The following CPSF6 variants were observed in gnomAD, a reference collection of about 807,000 sequenced individuals.
The protein encoded by CPSF6 is cleavage and polyadenylation specific factor 6, also known as cleavage and polyadenylation specificity factor subunit 6.
In CPSF6, 10 loss-of-function variants were observed where a neutral mutation model predicts 56.7. The observed-to-expected ratio is 0.18, with a 90% CI of 0.11 to 0.30. The LOEUF is 0.30. Among genes scored for constraint, CPSF6 ranks in the 10% least tolerant of loss-of-function variants. The probability of loss-of-function intolerance (pLI) is 1.00; values close to 1 mark genes in which losing one functional copy is unlikely to be tolerated. For synonymous variants in CPSF6, 248 were observed against 244.8 expected (o/e 1.01, Z -0.12); for missense variants, 419 against 722.9 (o/e 0.58, Z 4.82).
intron 1 of CPSF6, among the ~76,000 whole-genome samples, chr12:69,247,775 TTGATG>T (rs1310076704): frequency 6.6e-6 from 1 of 152,152 alleles, no homozygotes; most frequent in Non-Finnish European, 1.5e-5. Flanking sequence ...CGCTGGAGGA[TTGATG>T]TGATATGAAG....
chr12:69,243,473 C>G (rs1370976502), intron 1 of CPSF6, among the ~76,000 whole-genome samples: 2 of 152,198 alleles, frequency 1.3e-5, no homozygotes, highest in African/African-American at 4.8e-5. Flanking sequence ...AAGGTACAGC[C>G]TACTACACAT....
chr12:69,261,420 C>G (rs898969804), intron 8 of CPSF6, among the ~76,000 whole-genome samples: 1 of 151,088 alleles, frequency 6.6e-6, no homozygotes, highest in African/African-American at 2.5e-5. Context: ...TTAAAAATAT[C>G]TGGGCCTGGT....
At position 69,265,736 on chromosome 12, in the gene CPSF6, A is replaced by G. The variant is rs529160365; in HGVS notation, c.*3+3174A>G. The stretch of plus-strand genomic sequence containing the variant: ...TCCTGCCTTAGCCTCCGGAGTAGCT[A>G]GGATTACAGGCATGTGGCACCACGC... On this transcript the variant is annotated intron_variant, in intron 9 of 9. Coordinates refer to ENST00000435070, the MANE Select transcript of CPSF6 (RefSeq NM_007007.3). 3.3e-5 allele frequency among the ~76,000 whole-genome samples: 5 copies of G among 150,942 alleles called. No homozygotes were observed. The East Asian group carries it at 7.9e-4, about 24-fold the overall frequency.
intron 3 of CPSF6, among the ~76,000 whole-genome samples, chr12:69,253,756 A>C (rs1210139269): frequency 1.3e-5 from 2 of 152,164 alleles, no homozygotes; most frequent in Admixed American, 6.5e-5. Context: ...AAATAAATAC[A>C]CATCCTCTCT....
chr12:69,266,053 TA>T (rs200829785), intron 9 of CPSF6, among the ~76,000 whole-genome samples: 1 of 149,652 alleles, frequency 6.7e-6, no homozygotes, highest in Non-Finnish European at 1.5e-5. Context: ...GCCAAAAGAA[TA>T]AAAAAAATTC....
In CPSF6 at chr12:69,265,000, G is replaced by A. The variant is rs189952327; in HGVS notation, c.*3+2438G>A. On this transcript the variant is annotated intron_variant, in intron 9 of 9. Coordinates refer to ENST00000435070, the MANE Select transcript of CPSF6 (RefSeq NM_007007.3). The stretch of plus-strand genomic sequence containing the variant: ...TAATGTAATCTATTAAAGTGATGAT[G>A]AATGGCTAAAAGGGCAAGTTCTTAA... 1.9e-4 allele frequency among the ~76,000 whole-genome samples: 29 copies of A among 152,250 alleles called. No individual in the cohort carries two copies. In the East Asian group the frequency reaches 5.4e-3, roughly 28 times the overall value.
At chr12:69,262,293 T>A in intron 8 of CPSF6, 80 bp from the exon 9 acceptor site, 5 of 1,425,656 alleles carry the variant, frequency 3.5e-6, no homozygotes, top group Non-Finnish European at 4.6e-6. Context: ...GCTGCCTAAG[T>A]TTTTTTAGAC....
At chr12:69,240,223 C>T (rs538831503) in intron 1 of CPSF6, among the ~76,000 whole-genome samples, 4 of 152,306 alleles carry the variant, frequency 2.6e-5, no homozygotes, top group Admixed American at 6.5e-5. Context: ...GCACTGTCGC[C>T]TCATGGAAGG....
intron 9 of CPSF6, among the ~76,000 whole-genome samples, chr12:69,267,714 A>G (rs973118536): frequency 3.3e-5 from 5 of 151,878 alleles, no homozygotes; most frequent in Non-Finnish European, 7.4e-5. Context: ...AGTGTTTAGA[A>G]ATAGAAATAA....
At chr12:69,269,350 A>T (rs1229910757) in intron 9 of CPSF6, among the ~76,000 whole-genome samples, 162 bp from the exon 10 acceptor site, 1 of 151,916 alleles carries the variant, frequency 6.6e-6, no homozygotes, top group Non-Finnish European at 1.5e-5. Context: ...GGAACATTTC[A>T]CCACCACAAA....
intron 9 of CPSF6, among the ~76,000 whole-genome samples, chr12:69,266,574 A>G (rs1872993290): frequency 6.6e-6 from 1 of 152,208 alleles, no homozygotes; most frequent in Non-Finnish European, 1.5e-5. Context: ...TGTTTTGAGT[A>G]AATTCTGTCT....
Position 69,239,577 on chromosome 12 carries a change from C to G in CPSF6, c.-70C>G. On this transcript the variant is annotated 5_prime_UTR_variant, in exon 1 of 10. Transcript: ENST00000435070. ...AGCGCCCCCCCACCGCCGCTAGATC[C>G]GCTGCTGCTGCCGCGGCGGGCAGAC... 1.3e-6 allele frequency: 2 copies of G among 1,512,240 alleles called. No homozygotes were observed. The highest frequency in any genetic ancestry group is 1.8e-6 in the Non-Finnish European group (2 of 1,129,694). 93.7% of individuals were successfully genotyped at this position (1,512,240 alleles called of 1,614,324 possible). A position where few individuals can be genotyped will look rare whatever the true frequency, so the allele number is the denominator to read the frequency against.
chr12:69,255,576 C>T (rs1008296019), intron 3 of CPSF6, among the ~76,000 whole-genome samples: 5 of 152,212 alleles, frequency 3.3e-5, no homozygotes, highest in African/African-American at 1.2e-4. Flanking sequence ...GAGTCTCACT[C>T]TGTCACCCAG....
intron 6 of CPSF6, 91 bp downstream of exon 6, chr12:69,259,185 T>C (rs1295805918): frequency 1.4e-6 from 2 of 1,399,948 alleles, no homozygotes; most frequent in Admixed American, 2.5e-5. Context: ...AAATATGTTA[T>C]TTCTGCCTTC....
intron 1 of CPSF6, among the ~76,000 whole-genome samples, chr12:69,244,202 T>C (rs1442488691): frequency 1.3e-5 from 2 of 152,314 alleles, no homozygotes; most frequent in Non-Finnish European, 2.9e-5. Flanking sequence ...AAATATTTTC[T>C]TTATATCCTT....
chr12:69,266,889 A>G (rs1194188235), intron 9 of CPSF6, among the ~76,000 whole-genome samples: 1 of 152,146 alleles, frequency 6.6e-6, no homozygotes, highest in Non-Finnish European at 1.5e-5. Context: ...CAGAGGTAGA[A>G]GAAAATATGA....
At chr12:69,245,156 A>G (rs1323121677) in intron 1 of CPSF6, among the ~76,000 whole-genome samples, 1 of 152,088 alleles carries the variant, frequency 6.6e-6, no homozygotes, top group African/African-American at 2.4e-5. Flanking sequence ...TACATAAACC[A>G]GTAACACAGT....
chr12:69,267,308 T>C (rs980138482), intron 9 of CPSF6, among the ~76,000 whole-genome samples: 1 of 152,054 alleles, frequency 6.6e-6, no homozygotes, highest in Non-Finnish European at 1.5e-5. Context: ...TGGCTTGATA[T>C]AGTATCTTAA....
chr12:69,244,350 C>T (rs923698275), intron 1 of CPSF6, among the ~76,000 whole-genome samples: 5 of 151,822 alleles, frequency 3.3e-5, no homozygotes, highest in African/African-American at 1.2e-4. Context: ...GTTCTCCTGC[C>T]TCAGCTGGGA....
Sources: gnomAD v4.1 joint callset for allele counts (sites outside exome capture counted in the v4.1 genomes callset) on GRCh38, gnomAD v4.1.1 for gene constraint, MANE v1.5 for transcripts, NCBI Gene and HGNC (gene_info 2026-07-23, HGNC 2026-07-21) for gene names.